CACNA2D1: variants seen among roughly 807,000 people sequenced by gnomAD.
CACNA2D1 encodes calcium voltage-gated channel auxiliary subunit alpha2delta 1.
In CACNA2D1, 53 loss-of-function variants were observed where a neutral mutation model predicts 171.5. That is an observed-to-expected ratio of 0.31 (90% CI 0.25 to 0.39). The LOEUF (loss-of-function observed/expected upper bound fraction) is 0.39, where lower values mean the gene tolerates loss of function less well. CACNA2D1 is among the 10% of genes least tolerant of loss of function. The probability of loss-of-function intolerance (pLI) is 1.00; values close to 1 mark genes in which losing one functional copy is unlikely to be tolerated. For missense variants in CACNA2D1, 903 were observed against 1,299.8 expected, an observed-to-expected ratio of 0.69 and a Z score of 4.69; for synonymous variants, 442 against 443.1, an observed-to-expected ratio of 1.00 and a Z score of 0.03.
intron 9 of CACNA2D1, among the ~76,000 whole-genome samples, chr7:82,060,812 G>A (rs1276761559): frequency 6.6e-6 from 1 of 151,900 alleles, no homozygotes. Context: ...GATACTGATG[G>A]TATAGTCACT....
At chr7:82,435,963 G>A (rs977159726) in intron 1 of CACNA2D1, among the ~76,000 whole-genome samples, 1 of 152,030 alleles carries the variant, frequency 6.6e-6, no homozygotes, top group African/African-American at 2.4e-5. Flanking sequence ...AACAGACCAC[G>A]TTTCTTTAGA....
chr7:82,380,984 T>C (rs1409901625), intron 1 of CACNA2D1, among the ~76,000 whole-genome samples: 2 of 151,688 alleles, frequency 1.3e-5, no homozygotes, highest in African/African-American at 2.4e-5. Flanking sequence ...CATGAGCCAC[T>C]GCGCCCGGCC....
chr7:82,017,751 T>C (rs1173329920), intron 12 of CACNA2D1, among the ~76,000 whole-genome samples: 3 of 152,162 alleles, frequency 2.0e-5, no homozygotes, highest in African/African-American at 7.2e-5. Flanking sequence ...TTTGTACAGT[T>C]CTTTTAAGCA....
intron 38 of CACNA2D1, among the ~76,000 whole-genome samples, chr7:81,953,073 C>T (rs1792796573): frequency 1.3e-5 from 2 of 151,860 alleles, no homozygotes; most frequent in South Asian, 4.1e-4. Flanking sequence ...ATATTTTTTG[C>T]AGAGTGGGGG....
intron 29 of CACNA2D1, among the ~76,000 whole-genome samples, chr7:81,968,551 C>T (rs529848916): frequency 4.0e-5 from 6 of 151,148 alleles, no homozygotes; most frequent in South Asian, 4.2e-4. Flanking sequence ...TAACTTTGTA[C>T]GTATTTTAAA....
intron 3 of CACNA2D1, among the ~76,000 whole-genome samples, chr7:82,234,137 T>C (rs1307151215): frequency 6.6e-6 from 1 of 152,074 alleles, no homozygotes; most frequent in Non-Finnish European, 1.5e-5. Context: ...AATAATTTAC[T>C]TTTCTCTGAA....
At chr7:82,400,577 C>T (rs1310123604) in intron 1 of CACNA2D1, among the ~76,000 whole-genome samples, 12 of 151,934 alleles carry the variant, frequency 7.9e-5, no homozygotes, top group Middle Eastern at 3.4e-3. Flanking sequence ...AAGACTTAAA[C>T]GTTAGACCTA....
intron 16 of CACNA2D1, among the ~76,000 whole-genome samples, chr7:82,006,201 T>C (rs1263554394): frequency 6.6e-6 from 1 of 152,094 alleles, no homozygotes; most frequent in African/African-American, 2.4e-5. Flanking sequence ...ATTGACTTTA[T>C]GGTTTACTAT....
At chr7:82,219,911 A>G (rs1193580104) in intron 3 of CACNA2D1, among the ~76,000 whole-genome samples, 2 of 152,148 alleles carry the variant, frequency 1.3e-5, no homozygotes, top group African/African-American at 2.4e-5. Flanking sequence ...AAAAACACCT[A>G]CAGGTTTTCA....
chr7:82,358,571 T>G (rs1282655834), intron 1 of CACNA2D1, among the ~76,000 whole-genome samples: 1 of 152,176 alleles, frequency 6.6e-6, no homozygotes, highest in Non-Finnish European at 1.5e-5. Flanking sequence ...AAGGATGTAC[T>G]CATGCTAATC....
intron 3 of CACNA2D1, among the ~76,000 whole-genome samples, chr7:82,215,948 A>G (rs571306070): frequency 6.6e-6 from 1 of 152,310 alleles, no homozygotes; most frequent in Non-Finnish European, 1.5e-5. Flanking sequence ...AATCCAATTC[A>G]ATTTGACATG....
In CACNA2D1 at chr7:82,024,936, G is replaced by C. The variant is rs555748859; in HGVS notation, c.1143+7861C>G. ...TATGTATTGTTTGCACCCTTATAGA[G>C]GATCAATTGGCCATATATCCATGGA... On this transcript the variant is annotated intron_variant, in intron 12 of 38. Coordinates refer to ENST00000356860, the MANE Select transcript of CACNA2D1 (RefSeq NM_000722.4). Among the ~76,000 whole-genome samples, 3 of 151,516 alleles carry C rather than the reference G, an allele frequency of 2.0e-5. No individual in the cohort carries two copies. In the East Asian group the frequency reaches 5.8e-4, roughly 29 times the overall value.
chr7:82,248,988 GCA>G (rs1307770047), intron 3 of CACNA2D1, among the ~76,000 whole-genome samples: 2 of 151,906 alleles, frequency 1.3e-5, no homozygotes, highest in Non-Finnish European at 2.9e-5. Context: ...GTGGTGGCAG[GCA>G]TCTGTAGTCC....
At chr7:82,107,191 C>G (rs1383089498) in intron 6 of CACNA2D1, among the ~76,000 whole-genome samples, 3 of 152,144 alleles carry the variant, frequency 2.0e-5, no homozygotes, top group Non-Finnish European at 4.4e-5. Context: ...CAATCATTCT[C>G]CTGTAGTACC....
chr7:82,365,826 C>T (rs879895236), intron 1 of CACNA2D1, among the ~76,000 whole-genome samples: 1 of 152,192 alleles, frequency 6.6e-6, no homozygotes, highest in Admixed American at 6.5e-5. Flanking sequence ...TTGAAGACAG[C>T]CTGAACTTAT....
At chr7:82,072,365 TA>T (rs1808426779) in intron 7 of CACNA2D1, among the ~76,000 whole-genome samples, 1 of 151,948 alleles carries the variant, frequency 6.6e-6, no homozygotes, top group African/African-American at 2.4e-5. Context: ...AAAATAAAAG[TA>T]AAAAACTTTT....
chr7:82,376,540 G>A (rs1016999523), intron 1 of CACNA2D1, among the ~76,000 whole-genome samples: 1 of 152,262 alleles, frequency 6.6e-6, no homozygotes, highest in East Asian at 1.9e-4. Flanking sequence ...AATTCAGTAG[G>A]GTCAGCAATG....
chr7:82,389,967 A>G (rs1351239807), intron 1 of CACNA2D1, among the ~76,000 whole-genome samples: 6 of 152,216 alleles, frequency 3.9e-5, no homozygotes, highest in Admixed American at 1.3e-4. Context: ...AAAATTGCAT[A>G]TGCAACATGA....
At chr7:82,175,930 T>A (rs530058975) in intron 3 of CACNA2D1, among the ~76,000 whole-genome samples, 52 of 141,332 alleles carry the variant, frequency 3.7e-4, no homozygotes, top group Middle Eastern at 7.0e-3. Flanking sequence ...ATGAGCGAAA[T>A]AAATGAAAAA....
Sources: allele counts gnomAD v4.1 joint callset (sites outside exome capture counted in the v4.1 genomes callset), GRCh38; gene constraint gnomAD v4.1.1; transcripts MANE v1.5; gene names NCBI Gene and HGNC (gene_info 2026-07-23, HGNC 2026-07-21).